PKNOX1: variants seen among roughly 807,000 people sequenced by gnomAD.
PKNOX1 encodes the protein homeobox protein PKNOX1.
In PKNOX1, 15 loss-of-function variants were observed where a neutral mutation model predicts 51.9. The observed-to-expected ratio is 0.29, with a 90% CI of 0.19 to 0.45. The LOEUF is 0.45. Among genes scored for constraint, PKNOX1 ranks in the 20% least tolerant of loss-of-function variants. The probability of loss-of-function intolerance (pLI) is 1.00; values close to 1 mark genes in which losing one functional copy is unlikely to be tolerated. For synonymous variants in PKNOX1, 219 were observed against 211.1 expected (o/e 1.04, Z -0.32); for missense variants, 462 against 547.5 (o/e 0.84, Z 1.56).
intron 1 of PKNOX1, among the ~76,000 whole-genome samples, chr21:42,993,650 G>GT (rs756844153): frequency 3.7e-3 from 74 of 20,002 alleles, no homozygotes; most frequent in African/African-American, 0.018. Context: ...TACCCACTTT[G>GT]TTTTTTTTGT....
chr21:43,019,379 A>G (rs60016719), intron 7 of PKNOX1, among the ~76,000 whole-genome samples: 131,388 of 147,294 alleles, frequency 0.89, 58,726 homozygotes, highest in Non-Finnish European at 0.91. Context: ...CAACAAGAGC[A>G]AAACTCCATC....
Position 43,024,994 on chromosome 21 carries a change from A to T in PKNOX1, c.926+47A>T, listed in dbSNP as rs368748944. On this transcript the variant is annotated intron_variant, in intron 9 of 10. Transcript: ENST00000291547. ...AATCATGCTGTCAGCACGGTAGAGC[A>T]CTTGGAAACCCTGGCACCAATACAT... 31 of 1,184,484 alleles carry T rather than the reference A, an allele frequency of 2.6e-5. No individual in the cohort carries two copies. The African/African-American group carries it at 4.6e-4, about 17-fold the overall frequency. The allele number at this position is 1,184,484 out of a possible 1,614,324, so 73.4% of individuals were successfully genotyped here.
At chr21:43,011,616 C>T (rs1335945021) in intron 4 of PKNOX1, among the ~76,000 whole-genome samples, 1 of 152,192 alleles carries the variant, frequency 6.6e-6, no homozygotes, top group Admixed American at 6.5e-5. Flanking sequence ...GAGCTGGGTA[C>T]ACAAAGATCC....
chr21:43,013,444 C>T (rs1979344519), intron 5 of PKNOX1, among the ~76,000 whole-genome samples: 1 of 152,182 alleles, frequency 6.6e-6, no homozygotes, highest in Non-Finnish European at 1.5e-5. Context: ...TACTGGGCCC[C>T]CGGTCCCATG....
At chr21:42,990,750 T>C (rs1176551493) in intron 1 of PKNOX1, among the ~76,000 whole-genome samples, 1 of 151,892 alleles carries the variant, frequency 6.6e-6, no homozygotes, top group African/African-American at 2.4e-5. Context: ...TAAACCTGAG[T>C]GGTTTTGTGT....
chr21:43,028,845 C>A lies in PKNOX1; in HGVS notation c.1070C>A (p.Pro357Gln). ...TCTATTGCATCAGGAGTCGCACAGCCACCGCCGAGCGAGCTCACCATGTCG... is the reference window on the plus strand; with the variant it reads ...TCTATTGCATCAGGAGTCGCACAGCAACCGCCGAGCGAGCTCACCATGTCG... ...PDSIASGVAQ[P>Q]PPSELTMSEG... Residue 357 changes from proline (P) to glutamine (Q), a missense_variant, in exon 10 of 11, where the codon CCA becomes CAA. Physicochemically the swap from Pro to Gln is moderately conservative, Grantham distance 76. Coordinates refer to ENST00000291547, the MANE Select transcript of PKNOX1 (RefSeq NM_004571.5). 1 of 1,614,132 alleles carries A rather than the reference C, an allele frequency of 6.2e-7. No individual in the cohort carries two copies. Among genetic ancestry groups the A allele is most frequent in the Non-Finnish European group, 8.5e-7 (1 of 1,180,016 alleles).
At chr21:42,987,154 G>C (rs1408059498) in intron 1 of PKNOX1, among the ~76,000 whole-genome samples, 3 of 151,690 alleles carry the variant, frequency 2.0e-5, no homozygotes, top group Non-Finnish European at 4.4e-5. Flanking sequence ...GGCCAAAGTG[G>C]GCAGATCACC....
intron 4 of PKNOX1, among the ~76,000 whole-genome samples, chr21:43,012,247 G>A (rs894736566): frequency 6.6e-6 from 1 of 152,162 alleles, no homozygotes; most frequent in Non-Finnish European, 1.5e-5. Context: ...ACCCCAAAAT[G>A]TAGTTACTTA....
intron 7 of PKNOX1, among the ~76,000 whole-genome samples, chr21:43,019,039 C>T (rs1204512208): frequency 6.9e-5 from 10 of 144,284 alleles, no homozygotes; most frequent in East Asian, 2.1e-4. Context: ...GAGCTGAGAT[C>T]GTGCCACTGC....
chr21:43,032,284 C>G lies in PKNOX1; in HGVS notation c.*2183C>G. 1 of 446,240 alleles carries G rather than the reference C, an allele frequency of 2.2e-6. No homozygotes were observed. The highest frequency in any genetic ancestry group is 1.6e-5 in the South Asian group (1 of 64,072). 27.6% of individuals were successfully genotyped at this position (446,240 alleles called of 1,614,324 possible). On this transcript the variant is annotated 3_prime_UTR_variant, in exon 11 of 11. Transcript: ENST00000291547. The stretch of plus-strand genomic sequence containing the variant: ...ACTTTGTTGGACTCCTTAAAATAAG[C>G]ACCCATGAAAGCCAGCCAGCCCTTC...
At chr21:43,011,486 T>C (rs1291550773) in intron 4 of PKNOX1, among the ~76,000 whole-genome samples, 5 of 152,172 alleles carry the variant, frequency 3.3e-5, no homozygotes, top group Non-Finnish European at 7.4e-5. Context: ...GGTTCCGTCA[T>C]CACTGGATTG....
At chr21:42,986,305 G>A (rs902597077) in intron 1 of PKNOX1, among the ~76,000 whole-genome samples, 3 of 152,016 alleles carry the variant, frequency 2.0e-5, no homozygotes, top group Admixed American at 6.6e-5. Flanking sequence ...GTTAAAGACC[G>A]TCTTGGCCAA....
chr21:42,987,819 C>T (rs908651198), intron 1 of PKNOX1, among the ~76,000 whole-genome samples: 2 of 151,970 alleles, frequency 1.3e-5, no homozygotes, highest in Admixed American at 1.3e-4. Context: ...AGGGTTTCAC[C>T]ATGTTAGCCA....
At chr21:42,991,084 G>T (rs1353980696) in intron 1 of PKNOX1, among the ~76,000 whole-genome samples, 1 of 152,100 alleles carries the variant, frequency 6.6e-6, no homozygotes, top group Non-Finnish European at 1.5e-5. Context: ...AGTGTGCCCA[G>T]GTGCCACATT....
At chr21:43,022,189 C>T (rs1290793721) in intron 8 of PKNOX1, among the ~76,000 whole-genome samples, 1 of 152,224 alleles carries the variant, frequency 6.6e-6, no homozygotes, top group Non-Finnish European at 1.5e-5. Context: ...TGTTGTGAGG[C>T]TGTGGCCATA....
chr21:42,977,521 C>T (rs2059003213), intron 1 of PKNOX1, among the ~76,000 whole-genome samples: 2 of 149,798 alleles, frequency 1.3e-5, no homozygotes, highest in South Asian at 2.1e-4. Flanking sequence ...CATGAACCAG[C>T]CTCTGCTGCT....
chr21:43,029,401 A>AT (rs1170544228), intron 10 of PKNOX1, among the ~76,000 whole-genome samples: 1 of 82,284 alleles, frequency 1.2e-5, no homozygotes, highest in African/African-American at 4.4e-5. Flanking sequence ...ATGTGTTTTT[A>AT]TTTTTTTTTA....
chr21:43,028,411 A>G (rs1980075164), intron 9 of PKNOX1, among the ~76,000 whole-genome samples: 1 of 151,608 alleles, frequency 6.6e-6, no homozygotes. Context: ...TGTCGTTATG[A>G]GTATCTAGTT....
At chr21:43,011,963 T>G (rs1979274720) in intron 4 of PKNOX1, among the ~76,000 whole-genome samples, 1 of 152,120 alleles carries the variant, frequency 6.6e-6, no homozygotes, top group Non-Finnish European at 1.5e-5. Flanking sequence ...GCCCAGTGAG[T>G]AGAGCACAGG....
Sources: gnomAD v4.1 joint callset for allele counts (sites outside exome capture counted in the v4.1 genomes callset) on GRCh38, gnomAD v4.1.1 for gene constraint, MANE v1.5 for transcripts, NCBI Gene and HGNC (gene_info 2026-07-23, HGNC 2026-07-21) for gene names.